GUCA1C: variants seen among roughly 807,000 people sequenced by gnomAD.
The protein encoded by GUCA1C is guanylate cyclase activator 1C, also known as guanylyl cyclase-activating protein 3.
GUCA1C carries 15 observed loss-of-function variants against 16.2 expected under a neutral mutation model. The ratio of observed to expected loss-of-function variants is 0.93; its 90% CI spans 0.62 to 1.43. The LOEUF (loss-of-function observed/expected upper bound fraction) is 1.43. GUCA1C is among the 40% of genes most tolerant of loss of function. The probability of loss-of-function intolerance (pLI) is 0.00; values close to 1 mark genes in which losing one functional copy is unlikely to be tolerated. For synonymous variants in GUCA1C, 78 were observed against 85.4 expected, an observed-to-expected ratio of 0.91 and a Z score of 0.48; for missense variants, 275 against 244.8, an observed-to-expected ratio of 1.12 and a Z score of -0.82.
At chr3:108,952,357 C>T (rs571800507) in intron 1 of GUCA1C, among the ~76,000 whole-genome samples, 1 of 152,164 alleles carries the variant, frequency 6.6e-6, no homozygotes, top group Admixed American at 6.5e-5. Context: ...CCTTGAAGAT[C>T]GCCTTTTGCT....
rs1431117979 is a variant in GUCA1C, at chr3:108,932,101, C to T, written c.205-11516G>A. On this transcript the variant is annotated intron_variant, in intron 1 of 3. Transcript: ENST00000261047. ...TCCTGACCTCGTGATCCGCCCACCT[C>T]GGCCTCCCAAAGTGCTGGGATTGCA... Among the ~76,000 whole-genome samples the T allele has an allele frequency of 3.3e-5, 5 of 151,576 alleles. No individual in the cohort carries two copies. The East Asian group carries it at 7.7e-4, about 23-fold the overall frequency.
At position 108,908,164 on chromosome 3, in the gene GUCA1C, T is replaced by G; in HGVS notation, c.488A>C (p.Gln163Pro). Residue 163 changes from glutamine (Q) to proline (P), a missense_variant, in exon 4 of 4, where the codon CAG becomes CCG. Gln to Pro is a moderately conservative substitution (Grantham distance 76). Transcript: ENST00000261047. ...EEFINGMAKDQDLLEIVYKSF... is the reference protein window; with the variant it reads ...EEFINGMAKDPDLLEIVYKSF... ...CTTGTAAACAATCTCCAGGAGATCC[T>G]GATCTTTTGCCATGCCATTGATAAA... 6.2e-7 allele frequency: 1 copy of G among 1,613,810 alleles called. No individual in the cohort carries two copies. The highest frequency in any genetic ancestry group is 8.5e-7 in the Non-Finnish European group (1 of 1,179,710).
chr3:108,941,213 C>G (rs1946783235), intron 1 of GUCA1C, among the ~76,000 whole-genome samples: 1 of 152,232 alleles, frequency 6.6e-6, no homozygotes, highest in Admixed American at 6.5e-5. Flanking sequence ...CTCTTCCTGT[C>G]CAGGATAAAC....
intron 3 of GUCA1C, among the ~76,000 whole-genome samples, chr3:108,910,394 A>G (rs1191534353): frequency 6.6e-6 from 1 of 151,462 alleles, no homozygotes; most frequent in African/African-American, 2.4e-5. Flanking sequence ...CCTACTTGGG[A>G]GGCTGAGGCA....
chr3:108,917,992 C>T (rs1946534497), intron 2 of GUCA1C, among the ~76,000 whole-genome samples: 1 of 152,152 alleles, frequency 6.6e-6, no homozygotes, highest in South Asian at 2.1e-4. Flanking sequence ...TTGCAGTGAG[C>T]CGAGATCGTG....
At chr3:108,925,223 T>C (rs1345144951) in intron 1 of GUCA1C, among the ~76,000 whole-genome samples, 1 of 152,076 alleles carries the variant, frequency 6.6e-6, no homozygotes, top group Non-Finnish European at 1.5e-5. Context: ...TGTGACCTTA[T>C]TTGTGCTCTT....
chr3:108,910,878 C>T (rs1244615313), intron 3 of GUCA1C, among the ~76,000 whole-genome samples: 1 of 152,094 alleles, frequency 6.6e-6, no homozygotes, highest in Non-Finnish European at 1.5e-5. Flanking sequence ...TCTCGATCTC[C>T]TGACCTCGTG....
Position 108,917,549 on chromosome 3 carries a change from G to T in GUCA1C, c.355-1335C>A, listed in dbSNP as rs140662724. Among the ~76,000 whole-genome samples, 460 of 151,490 alleles carry T rather than the reference G, an allele frequency of 3.0e-3. 1 individual carries two copies. The highest frequency in any genetic ancestry group is 4.5e-3 in the Non-Finnish European group (307 of 67,940). The stretch of plus-strand genomic sequence containing the variant: ...CTCTTTCTTCCCTAGTTTCCTAATC[G>T]CAGTCTCTGAGTACTCCCTATGTGG... On this transcript the variant is annotated intron_variant, in intron 2 of 3. Coordinates refer to ENST00000261047, the MANE Select transcript of GUCA1C (RefSeq NM_005459.4).
chr3:108,934,782 C>T (rs1180055512), intron 1 of GUCA1C, among the ~76,000 whole-genome samples: 2 of 149,290 alleles, frequency 1.3e-5, no homozygotes, highest in Admixed American at 1.3e-4. Flanking sequence ...AAGCAAATAC[C>T]ACATATTCTC....
At chr3:108,925,113 T>TTG (rs1946611148) in intron 1 of GUCA1C, among the ~76,000 whole-genome samples, 1 of 152,050 alleles carries the variant, frequency 6.6e-6, no homozygotes, top group South Asian at 2.1e-4. Flanking sequence ...GTATTTTTTT[T>TTG]TTTGTTTCAA....
chr3:108,910,349 G>T (rs1946437505), intron 3 of GUCA1C, among the ~76,000 whole-genome samples: 1 of 151,904 alleles, frequency 6.6e-6, no homozygotes, highest in Non-Finnish European at 1.5e-5. Context: ...ATACAAAAAA[G>T]TAGCCGAGCG....
chr3:108,954,284 C>T (rs113109611), upstream of GUCA1C, among the ~76,000 whole-genome samples: 14 of 152,132 alleles, frequency 9.2e-5, no homozygotes, highest in African/African-American at 3.1e-4. Context: ...TAACATTTTA[C>T]ATGAAAAAAT....
chr3:108,922,659 A>G (rs1012966888), intron 1 of GUCA1C, among the ~76,000 whole-genome samples: 6 of 152,082 alleles, frequency 3.9e-5, no homozygotes, highest in Non-Finnish European at 8.8e-5. Context: ...TTGTCTATTC[A>G]TGTCCTTAGC....
chr3:108,943,459 G>A (rs1276405004), intron 1 of GUCA1C, among the ~76,000 whole-genome samples: 4 of 152,146 alleles, frequency 2.6e-5, no homozygotes, highest in Non-Finnish European at 4.4e-5. Context: ...GTAGCTGAGG[G>A]AGAATCTGAC....
At position 108,953,808 on chromosome 3, in the gene GUCA1C, G is replaced by T; in HGVS notation, c.-46C>A. 7.1e-7 allele frequency: 1 copy of T among 1,412,278 alleles called. No individual in the cohort carries two copies. The highest frequency in any genetic ancestry group is 1.0e-6 in the Non-Finnish European group (1 of 997,210). The allele number at this position is 1,412,278 out of a possible 1,614,324, so 87.5% of individuals were successfully genotyped here. ...TTTTCCTCAGGTTGTTTTCACTTAAGTTTTTGCTGGATTTAGTCCCTTACT... is the reference window on the plus strand; with the variant it reads ...TTTTCCTCAGGTTGTTTTCACTTAATTTTTTGCTGGATTTAGTCCCTTACT... On this transcript the variant is annotated 5_prime_UTR_variant, in exon 1 of 4. Transcript: ENST00000261047.
intron 1 of GUCA1C, among the ~76,000 whole-genome samples, chr3:108,945,271 G>A (rs1946833029): frequency 6.6e-6 from 1 of 152,218 alleles, no homozygotes; most frequent in Non-Finnish European, 1.5e-5. Flanking sequence ...GTGCTGGCCC[G>A]CACCTGGCCC....
At chr3:108,923,170 G>C (rs1285494087) in intron 1 of GUCA1C, among the ~76,000 whole-genome samples, 2 of 152,226 alleles carry the variant, frequency 1.3e-5, no homozygotes, top group African/African-American at 2.4e-5. Flanking sequence ...AAGCTTTTTA[G>C]TTTGATTCCT....
intron 2 of GUCA1C, among the ~76,000 whole-genome samples, chr3:108,919,071 T>G (rs1946546650): frequency 6.6e-6 from 1 of 152,144 alleles, no homozygotes; most frequent in South Asian, 2.1e-4. Flanking sequence ...ACTTACACCC[T>G]CTCCACAGTG....
chr3:108,947,272 C>A (rs777266163), intron 1 of GUCA1C, among the ~76,000 whole-genome samples: 6 of 152,168 alleles, frequency 3.9e-5, no homozygotes, highest in Middle Eastern at 3.4e-3. Context: ...AATATATTTA[C>A]TATTCTTTAA....
Sources: gnomAD v4.1 joint callset for allele counts (sites outside exome capture counted in the v4.1 genomes callset) on GRCh38, gnomAD v4.1.1 for gene constraint, MANE v1.5 for transcripts, NCBI Gene and HGNC (gene_info 2026-07-23, HGNC 2026-07-21) for gene names.